GGT1: variants seen among roughly 807,000 people sequenced by gnomAD.
GGT1 encodes the protein glutathione hydrolase 1 proenzyme.
Under a neutral mutation model 56.0 loss-of-function variants are expected in GGT1, and 21 were observed. That is an observed-to-expected ratio of 0.38 (90% CI 0.27 to 0.54). The LOEUF (loss-of-function observed/expected upper bound fraction) is 0.54, where lower values mean the gene tolerates loss of function less well. GGT1 is among the 20% of genes least tolerant of loss of function. The probability of loss-of-function intolerance (pLI) is 0.82; values close to 1 mark genes in which losing one functional copy is unlikely to be tolerated. For synonymous variants in GGT1, 238 were observed against 342.6 expected (o/e 0.69, Z 3.37); for missense variants, 466 against 787.0 (o/e 0.59, Z 4.88).
At chr22:24,589,250 A>C in the GGT1 span, 12 of 1,269,360 alleles carry the variant, frequency 9.5e-6, no homozygotes, top group Non-Finnish European at 1.2e-5. Flanking sequence ...TGCTGTCAGC[A>C]TGGGGTTCTG....
chr22:24,612,388 G>T (rs1314292745), intron 5 of GGT1, among the ~76,000 whole-genome samples: 2 of 150,676 alleles, frequency 1.3e-5, no homozygotes, highest in Non-Finnish European at 2.9e-5. Flanking sequence ...GTACACATGT[G>T]CCATGTTGGT....
chr22:24,591,791 G>A (rs1039560799), upstream of GGT1, among the ~76,000 whole-genome samples: 4 of 152,254 alleles, frequency 2.6e-5, no homozygotes, highest in African/African-American at 7.2e-5. Flanking sequence ...CCAGGAGGAA[G>A]GCTGGCTGAT....
intron 11 of GGT1, chr22:24,624,324 C>T: frequency 1.0e-6 from 1 of 985,312 alleles, no homozygotes; most frequent in Non-Finnish European, 1.2e-6. Context: ...ATGCCACCCT[C>T]AGCCCTGCAC....
intron 1 of GGT1, among the ~76,000 whole-genome samples, chr22:24,605,324 T>C (rs1432994734): frequency 2.2e-4 from 13 of 58,066 alleles, no homozygotes; most frequent in Admixed American, 3.5e-4. Context: ...ATATGTATTA[T>C]ATATTATATA....
chr22:24,604,300 T>C (rs2045894634), intron 1 of GGT1, among the ~76,000 whole-genome samples: 1 of 152,078 alleles, frequency 6.6e-6, no homozygotes, highest in Non-Finnish European at 1.5e-5. Flanking sequence ...TGCCTGTGAA[T>C]GGGGTTGGGG....
upstream of GGT1, chr22:24,592,877 G>A (rs555026485): frequency 1.4e-5 from 18 of 1,283,010 alleles, no homozygotes; most frequent in South Asian, 4.2e-4. Flanking sequence ...CGCAGGAGGC[G>A]CAGCAGCTGC....
chr22:24,625,244 T>C (rs1330811548), intron 11 of GGT1, among the ~76,000 whole-genome samples: 5 of 152,184 alleles, frequency 3.3e-5, no homozygotes, highest in African/African-American at 1.2e-4. Context: ...TCCCTTCTCT[T>C]TACCTACAGT....
intron 11 of GGT1, among the ~76,000 whole-genome samples, chr22:24,626,955 C>T (rs1284823220): frequency 6.6e-6 from 1 of 150,720 alleles, no homozygotes; most frequent in Non-Finnish European, 1.5e-5. Flanking sequence ...ACATTCCAGG[C>T]TCTTTTCACA....
At chr22:24,606,745 G>T (rs1485116374) in intron 1 of GGT1, among the ~76,000 whole-genome samples, 1 of 152,138 alleles carries the variant, frequency 6.6e-6, no homozygotes, top group East Asian at 1.9e-4. Flanking sequence ...AGGCCTATGT[G>T]ACCCAGGCAG....
At chr22:24,593,181 G>C, upstream of GGT1, 2 of 877,456 alleles carry the variant, frequency 2.3e-6, no homozygotes, top group South Asian at 1.0e-4. Context: ...GCCCCACCCC[G>C]CGCCGGAGCG....
chr22:24,622,303 G>A (rs1222237671), intron 9 of GGT1, among the ~76,000 whole-genome samples: 2 of 152,156 alleles, frequency 1.3e-5, no homozygotes, highest in African/African-American at 4.8e-5. Flanking sequence ...GGTGGCTCAC[G>A]CCTGTAATCC....
At chr22:24,587,430 A>G in the GGT1 span, among the ~76,000 whole-genome samples, 4 of 152,184 alleles carry the variant, frequency 2.6e-5, no homozygotes, top group African/African-American at 7.2e-5. Flanking sequence ...GACAGCAGTG[A>G]GCACACCCTC....
the GGT1 span, chr22:24,583,796 G>A: frequency 3.3e-4 from 153 of 470,740 alleles, no homozygotes; most frequent in African/African-American, 1.0e-3. Flanking sequence ...TCGGGTCCTC[G>A]CACACCATCC....
chr22:24,626,777 C>T (rs1423788670), intron 11 of GGT1, among the ~76,000 whole-genome samples: 2 of 151,318 alleles, frequency 1.3e-5, no homozygotes, highest in African/African-American at 4.9e-5. Context: ...CCTAAGCCTG[C>T]ATGGCACAGA....
At chr22:24,602,726 A>T (rs184206356), upstream of GGT1, among the ~76,000 whole-genome samples, 449 of 152,216 alleles carry the variant, frequency 2.9e-3, 2 homozygotes, top group Non-Finnish European at 4.6e-3. Context: ...CAGCTCCTAG[A>T]GCCCCACCTG....
At chr22:24,609,906 T>C (rs2046556749) in intron 2 of GGT1, 59 bp from the exon 3 acceptor site, 2 of 430,248 alleles carry the variant, frequency 4.6e-6, no homozygotes, top group African/African-American at 4.1e-5. Flanking sequence ...TAATCACAGC[T>C]ACCATTCACC....
upstream of GGT1, chr22:24,590,074 G>A: frequency 8.4e-7 from 1 of 1,184,256 alleles, no homozygotes; most frequent in East Asian, 2.8e-5. Flanking sequence ...AGGCTGGCTG[G>A]ATTCTCCCCA....
chr22:24,589,753 C>T, the GGT1 span: 1 of 1,496,116 alleles, frequency 6.7e-7, no homozygotes, highest in East Asian at 2.4e-5. Context: ...CAGTCCCCAG[C>T]CCTGGGCTCT....
intron 7 of GGT1, among the ~76,000 whole-genome samples, chr22:24,616,971 C>T (rs961545914): frequency 4.6e-5 from 7 of 152,156 alleles, no homozygotes; most frequent in African/African-American, 1.7e-4. Context: ...ATTTATTTAA[C>T]TTGAATGTAT....
Sources: gnomAD v4.1 joint callset for allele counts (sites outside exome capture counted in the v4.1 genomes callset) on GRCh38, gnomAD v4.1.1 for gene constraint, MANE v1.5 for transcripts, NCBI Gene and HGNC (gene_info 2026-07-23, HGNC 2026-07-21) for gene names.